The following WDPCP variants were observed in gnomAD, a reference collection of about 807,000 sequenced individuals.
WDPCP encodes the protein WD repeat-containing and planar cell polarity effector protein fritz homolog.
A neutral mutation model predicts 93.1 loss-of-function variants in WDPCP; 71 were observed. That is an observed-to-expected ratio of 0.76 (90% confidence interval 0.63 to 0.93). The LOEUF is 0.93. WDPCP is among the 40% of genes least tolerant of loss of function. The probability of loss-of-function intolerance (pLI) is 0.00; values close to 1 mark genes in which losing one functional copy is unlikely to be tolerated. For missense variants in WDPCP, 844 were observed against 887.4 expected (o/e 0.95, Z 0.62); for synonymous variants, 315 against 315.0 (o/e 1.00, Z 0.00).
chr2:63,637,396 C>T (rs1483469557), intron 3 of WDPCP, among the ~76,000 whole-genome samples: 1 of 67,112 alleles, frequency 1.5e-5, no homozygotes, highest in African/African-American at 6.2e-5. Flanking sequence ...AAGAAACAAA[C>T]AAAAAAAACC....
At chr2:63,336,979 C>T (rs780588955) in intron 12 of WDPCP, among the ~76,000 whole-genome samples, 11 of 148,466 alleles carry the variant, frequency 7.4e-5, no homozygotes, top group Non-Finnish European at 1.5e-4. Flanking sequence ...CTGCAACCTC[C>T]GCCTCCCAGG....
chr2:63,350,072 A>G lies in WDPCP; in HGVS notation c.1748+28314T>C, dbSNP rs144463509. 2.0e-5 allele frequency among the ~76,000 whole-genome samples: 3 copies of G among 152,336 alleles called. No homozygotes were observed. In the East Asian group the frequency reaches 5.8e-4, roughly 29 times the overall value. ...TCCATCAATGGTAGCCTGGATTAAG[A>G]AAATGTGGCACATATACACCATGGA... is the stretch of plus-strand genomic sequence containing the variant. On this transcript the variant is annotated intron_variant, in intron 12 of 17. Coordinates refer to ENST00000272321, the MANE Select transcript of WDPCP (RefSeq NM_015910.7).
intron 2 of WDPCP, among the ~76,000 whole-genome samples, chr2:63,657,417 C>A (rs1267469946): frequency 2.0e-5 from 3 of 151,806 alleles, no homozygotes; most frequent in African/African-American, 2.4e-5. Context: ...CGTGTTAGCC[C>A]GGATGGTCTC....
At chr2:63,753,888 C>A (rs1313798632) in intron 2 of WDPCP, among the ~76,000 whole-genome samples, 1 of 152,104 alleles carries the variant, frequency 6.6e-6, no homozygotes, top group East Asian at 1.9e-4. Context: ...AAGTAGGTAG[C>A]CTTAGATAAA....
chr2:63,717,213 C>T (rs1669351443), intron 2 of WDPCP: 1 of 488,890 alleles, frequency 2.0e-6, no homozygotes, highest in Non-Finnish European at 4.0e-6. Context: ...GTGCTTCCTC[C>T]ACGAATTTGA....
chr2:63,171,412 T>C lies in WDPCP; in HGVS notation c.2078+3258A>G, dbSNP rs1192867195. 2.0e-5 allele frequency among the ~76,000 whole-genome samples: 3 copies of C among 152,262 alleles called. No homozygotes were observed. The East Asian group carries it at 5.8e-4, about 29-fold the overall frequency. On this transcript the variant is annotated intron_variant, in intron 15 of 17. Transcript: ENST00000272321. ...GAATAGCTATAACAACAAAGAATGCTAATGAGCAAATAAGAAATGTTCAAC... is the reference window on the plus strand; with the variant it reads ...GAATAGCTATAACAACAAAGAATGCCAATGAGCAAATAAGAAATGTTCAAC...
At chr2:63,523,784 GC>G (rs35301836) in intron 1 of WDPCP, among the ~76,000 whole-genome samples, 30,183 of 152,124 alleles carry the variant, frequency 0.2, 3,181 homozygotes, top group Middle Eastern at 0.28. Context: ...GGTGGCACAT[GC>G]CTGTAATCCC....
At chr2:63,500,955 T>C (rs566354200) in intron 1 of WDPCP, among the ~76,000 whole-genome samples, 18 of 152,316 alleles carry the variant, frequency 1.2e-4, no homozygotes, top group Non-Finnish European at 2.5e-4. Flanking sequence ...TATTATTGAA[T>C]GTGTATCTAG....
intron 9 of WDPCP, among the ~76,000 whole-genome samples, chr2:63,424,256 G>T (rs1311264026): frequency 3.3e-5 from 5 of 149,916 alleles, no homozygotes; most frequent in Non-Finnish European, 7.4e-5. Context: ...TGTGTTGGGG[G>T]CGGGGGTGGG....
At chr2:63,557,311 G>A (rs1028693637) in intron 1 of WDPCP, among the ~76,000 whole-genome samples, 1 of 152,186 alleles carries the variant, frequency 6.6e-6, no homozygotes, top group Non-Finnish European at 1.5e-5. Context: ...AAACGATGAA[G>A]GAAAATTTAC....
At chr2:63,168,269 A>G (rs1030693889) in intron 15 of WDPCP, among the ~76,000 whole-genome samples, 2 of 151,582 alleles carry the variant, frequency 1.3e-5, no homozygotes, top group Non-Finnish European at 2.9e-5. Context: ...TGAAATTTGC[A>G]TTAATTTTTT....
At chr2:63,622,189 G>T in intron 3 of WDPCP, 1 of 1,591,120 alleles carries the variant, frequency 6.3e-7, no homozygotes, top group Non-Finnish European at 8.5e-7. Flanking sequence ...ACAAACTGTT[G>T]CTGCTGCTGC....
At chr2:63,717,338 C>CTATAT in intron 2 of WDPCP, 1 of 497,436 alleles carries the variant, frequency 2.0e-6, no homozygotes, top group South Asian at 1.6e-5. Context: ...AATGATGGCA[C>CTATAT]AATAGGCACC....
At chr2:63,691,873 AGTGTGTGTGTGTGT>A (rs71393325) in intron 2 of WDPCP, among the ~76,000 whole-genome samples, 10 of 145,086 alleles carry the variant, frequency 6.9e-5, no homozygotes, top group South Asian at 2.2e-4. Flanking sequence ...TATACTACAA[AGTGTGTGTGTGTGT>A]GTGTGTGTGT....
Position 63,381,982 on chromosome 2 carries a change from C to G in WDPCP, c.1548G>C (p.Leu516=). ...TCATGCTGATAAAGCACTGGTGGCC[C>G]AGAGTGTCCCAGTTCATGCTGCTCA... ...NILSSMNWDT[L]GHQCFISMSA... is the part of the protein sequence containing the mutation. The change falls in exon 11 of 18, where the codon CTG becomes CTC. Residue 516 remains leucine, a synonymous_variant. Coordinates refer to ENST00000272321, the MANE Select transcript of WDPCP (RefSeq NM_015910.7). 1 of 1,613,496 alleles carries G rather than the reference C, an allele frequency of 6.2e-7. No individual in the cohort carries two copies. The highest frequency in any genetic ancestry group is 2.2e-5 in the East Asian group (1 of 44,796).
chr2:63,751,540 G>A (rs1669882952), intron 2 of WDPCP, among the ~76,000 whole-genome samples: 1 of 152,054 alleles, frequency 6.6e-6, no homozygotes, highest in African/African-American at 2.4e-5. Flanking sequence ...CCATACACAT[G>A]AGTATTTATC....
intron 3 of WDPCP, among the ~76,000 whole-genome samples, chr2:63,642,245 C>T (rs945944441): frequency 7.2e-5 from 11 of 151,950 alleles, no homozygotes; most frequent in South Asian, 2.1e-4. Flanking sequence ...AGTTGGGTAA[C>T]GTAATTCCTC....
intron 9 of WDPCP, among the ~76,000 whole-genome samples, chr2:63,429,127 G>T (rs1489611488): frequency 6.6e-6 from 1 of 152,166 alleles, no homozygotes; most frequent in Non-Finnish European, 1.5e-5. Flanking sequence ...ATGTGCAGAA[G>T]AATGAAACTG....
At chr2:63,450,975 T>C (rs1235719393) in intron 6 of WDPCP, among the ~76,000 whole-genome samples, 4 of 152,016 alleles carry the variant, frequency 2.6e-5, no homozygotes, top group African/African-American at 2.4e-5. Context: ...AGAAATATAA[T>C]AATCCCCCAA....
Sources: allele counts gnomAD v4.1 joint callset (sites outside exome capture counted in the v4.1 genomes callset), GRCh38; gene constraint gnomAD v4.1.1; transcripts MANE v1.5; gene names NCBI Gene and HGNC (gene_info 2026-07-23, HGNC 2026-07-21).